Variants in TMEM164 observed in about 807,000 individuals in gnomAD.
TMEM164 encodes the protein transmembrane protein 164.
TMEM164 carries 4 observed loss-of-function variants against 18.8 expected under a neutral mutation model. The ratio of observed to expected loss-of-function variants is 0.21; its 90% CI spans 0.10 to 0.49. The LOEUF is 0.49. TMEM164 is among the 20% of genes least tolerant of loss of function. The pLI, the probability that TMEM164 is intolerant of heterozygous loss-of-function variation, is 0.98. For missense variants in TMEM164, 108 were observed against 239.9 expected, an observed-to-expected ratio of 0.45 and a Z score of 3.63; for synonymous variants, 86 against 101.7, an observed-to-expected ratio of 0.85 and a Z score of 0.93.
chrX:110,073,261 C>A (rs2065623125), intron 3 of TMEM164, among the ~76,000 whole-genome samples: 1 of 111,295 alleles, frequency 9.0e-6, no homozygotes, highest in Non-Finnish European at 1.9e-5. Context: ...GTCTCAAACT[C>A]CTGGGCTCAA....
chrX:110,024,688 T>C (rs1934099379), intron 2 of TMEM164, among the ~76,000 whole-genome samples: 1 of 112,006 alleles, frequency 8.9e-6, no homozygotes, highest in Non-Finnish European at 1.9e-5. Flanking sequence ...CGAGATGCCA[T>C]GTTTTATGGC....
chrX:110,015,550 A>AGTGTGTGTGTGT (rs200228472), intron 2 of TMEM164, among the ~76,000 whole-genome samples: 3 of 99,628 alleles, frequency 3.0e-5, no homozygotes, highest in Non-Finnish European at 6.2e-5. Flanking sequence ...CAGGAACTTG[A>AGTGTGTGTGTGT]GTGTGTGTGT....
chrX:110,073,661 A>G (rs2065629010), intron 3 of TMEM164, among the ~76,000 whole-genome samples: 1 of 111,826 alleles, frequency 8.9e-6, no homozygotes, highest in South Asian at 3.7e-4. Flanking sequence ...TCCTTTGAGT[A>G]TATACCCAGT....
chrX:110,047,823 C>A (rs766474801), intron 2 of TMEM164, among the ~76,000 whole-genome samples: 1 of 111,867 alleles, frequency 8.9e-6, no homozygotes, highest in African/African-American at 3.2e-5. Flanking sequence ...GACCAGCTGG[C>A]AAAAGCCTAT....
chrX:110,029,268 A>T (rs1052521415), intron 2 of TMEM164, among the ~76,000 whole-genome samples: 1 of 111,956 alleles, frequency 8.9e-6, no homozygotes, highest in Non-Finnish European at 1.9e-5. Context: ...TCCTTCTGGG[A>T]TGCATGAGGG....
chrX:110,059,798 ATTC>A (rs997123072), intron 2 of TMEM164, among the ~76,000 whole-genome samples: 5 of 111,596 alleles, frequency 4.5e-5, no homozygotes, highest in African/African-American at 1.6e-4. Flanking sequence ...GACCGAGACA[ATTC>A]TTCTTCCAGT....
At chrX:110,124,184 A>AAGGCAGGC (rs376611382) in intron 4 of TMEM164, among the ~76,000 whole-genome samples, 2 of 49,073 alleles carry the variant, frequency 4.1e-5, no homozygotes, top group African/African-American at 1.5e-4. Context: ...GGAAGGCAGG[A>AAGGCAGGC]AGGCAGGCAG....
In TMEM164 at chrX:110,003,946, C is replaced by A; in HGVS notation, c.172C>A (p.Arg58=). ...TCTGTTGGAGATCCTGGTGGCCCTG[C>A]GGCACATCCTGAGGCAGACGAAGGA... The part of the protein sequence containing the change: ...LALLEILVAL[R]HILRQTKEDG... Residue 58 remains arginine, a synonymous_variant, in exon 2 of 7, where the codon CGG becomes AGG. Transcript: ENST00000372068. 8.3e-7 allele frequency: 1 copy of A among 1,211,407 alleles called. No homozygotes were observed. Among genetic ancestry groups the A allele is most frequent in the Non-Finnish European group, 1.1e-6 (1 of 895,389 alleles).
chrX:110,084,459 G>GTATAGTATATA (rs2065820142), intron 3 of TMEM164, among the ~76,000 whole-genome samples: 1 of 64,168 alleles, frequency 1.6e-5, no homozygotes, highest in Non-Finnish European at 2.9e-5. Context: ...TATATATATA[G>GTATAGTATATA]TATAGTATAT....
intron 4 of TMEM164, among the ~76,000 whole-genome samples, chrX:110,121,249 G>T (rs752043558): frequency 8.0e-5 from 9 of 112,105 alleles, no homozygotes; most frequent in Non-Finnish European, 7.5e-5. Flanking sequence ...CAATTCAGTG[G>T]TTTTTAATAT....
chrX:110,034,213 G>A (rs1307215416), intron 2 of TMEM164, among the ~76,000 whole-genome samples: 1 of 111,964 alleles, frequency 8.9e-6, no homozygotes, highest in Non-Finnish European at 1.9e-5. Flanking sequence ...TTACTAGTTG[G>A]CATCATGTCA....
chrX:110,065,784 A>G (rs1936314549), intron 2 of TMEM164, among the ~76,000 whole-genome samples: 1 of 111,985 alleles, frequency 8.9e-6, no homozygotes, highest in Non-Finnish European at 1.9e-5. Flanking sequence ...GTACCCCGCA[A>G]TTAAATACAT....
chrX:110,046,622 A>G (rs1935326580), intron 2 of TMEM164: 3 of 405,472 alleles, frequency 7.4e-6, no homozygotes, highest in Non-Finnish European at 6.2e-6. Flanking sequence ...CTGGAACAGC[A>G]ATGCCATTTG....
At position 110,113,699 on chromosome X, in the gene TMEM164, T is replaced by G. The variant is rs1350647246; in HGVS notation, c.507+4553T>G. ...CAGCTAAAGGATTTGGGGCCCTCAG[T>G]GAATTTCCATGTGTTCTACTCTGCC... On this transcript the variant is annotated intron_variant, in intron 4 of 6. Transcript: ENST00000372068. Among the ~76,000 whole-genome samples the G allele has an allele frequency of 3.6e-5, 4 of 111,065 alleles. No homozygotes were observed. In the East Asian group the frequency reaches 1.1e-3, roughly 32 times the overall value.
chrX:110,095,000 A>T (rs1343566167), intron 3 of TMEM164, among the ~76,000 whole-genome samples: 1 of 111,830 alleles, frequency 8.9e-6, no homozygotes, highest in Non-Finnish European at 1.9e-5. Context: ...AATGTTGAAT[A>T]TTGGCCCCCA....
At chrX:110,096,073 C>T (rs1170904059) in intron 3 of TMEM164, among the ~76,000 whole-genome samples, 1 of 112,205 alleles carries the variant, frequency 8.9e-6, no homozygotes, top group Non-Finnish European at 1.9e-5. Context: ...GGCACCCGGC[C>T]GAATGAGGTG....
downstream of TMEM164, chrX:110,182,584 T>G (rs1345189996): frequency 1.8e-5 from 2 of 111,259 alleles, no homozygotes; most frequent in African/African-American, 6.6e-5. Flanking sequence ...TTGCCAGAGG[T>G]GAGGTGAGCT....
At chrX:110,116,496 A>G (rs891118339) in intron 4 of TMEM164, among the ~76,000 whole-genome samples, 1 of 112,060 alleles carries the variant, frequency 8.9e-6, no homozygotes, top group African/African-American at 3.2e-5. Context: ...ACACATGGAC[A>G]TGGAGGCAGA....
At chrX:110,009,421 A>T (rs1932900208) in intron 2 of TMEM164, among the ~76,000 whole-genome samples, 1 of 112,168 alleles carries the variant, frequency 8.9e-6, no homozygotes, top group African/African-American at 3.2e-5. Context: ...GCATGTAGGT[A>T]ATCTGGTGTT....
Sources: gnomAD v4.1 joint callset for allele counts (sites outside exome capture counted in the v4.1 genomes callset) on GRCh38, gnomAD v4.1.1 for gene constraint, MANE v1.5 for transcripts, NCBI Gene and HGNC (gene_info 2026-07-23, HGNC 2026-07-21) for gene names.